Variants in C1QTNF5 observed in about 807,000 individuals in gnomAD.
C1QTNF5 encodes C1q and TNF related 5, also known as complement C1q tumor necrosis factor-related protein 5.
In C1QTNF5, 5 loss-of-function variants were observed where a neutral mutation model predicts 10.9. That is an observed-to-expected ratio of 0.46 (90% CI 0.24 to 0.97). The LOEUF is 0.97. C1QTNF5 is among the 50% of genes least tolerant of loss of function. C1QTNF5 has a pLI of 0.19. For synonymous variants in C1QTNF5, 161 were observed against 156.5 expected, an observed-to-expected ratio of 1.03 and a Z score of -0.22; for missense variants, 281 against 339.4, an observed-to-expected ratio of 0.83 and a Z score of 1.35.
chr11:119,345,119 G>T, upstream of C1QTNF5: 1 of 1,382,410 alleles, frequency 7.2e-7, no homozygotes, highest in East Asian at 2.5e-5. Flanking sequence ...TGACCATGTG[G>T]TCAAAAAGGC....
upstream of C1QTNF5, chr11:119,345,518 T>C (rs765954024): frequency 1.9e-6 from 3 of 1,613,982 alleles, no homozygotes; most frequent in Non-Finnish European, 2.5e-6. Context: ...TGAGCTGTAT[T>C]GCATGGTCTG....
chr11:119,341,818 C>A, upstream of C1QTNF5: 2 of 1,613,540 alleles, frequency 1.2e-6, no homozygotes, highest in Admixed American at 1.7e-5. Context: ...CAGGCTCCTC[C>A]CCTCCCAGGC....
upstream of C1QTNF5, chr11:119,344,362 C>T (rs1320118735): frequency 9.3e-6 from 15 of 1,613,774 alleles, no homozygotes; most frequent in Non-Finnish European, 1.3e-5. Flanking sequence ...GAGAAAGTGC[C>T]CTGGAGGCCA....
In C1QTNF5 at chr11:119,339,692, G is replaced by A. The variant is rs771616296; in HGVS notation, c.371C>T (p.Pro124Leu). Residue 124 changes from proline to leucine, a missense_variant, in exon 3 of 3, where the codon CCC (proline) becomes CTC (leucine). Transcript: ENST00000528368. The surrounding 1 kb of genome is among the most constrained non-coding windows in gnomAD (Gnocchi z 5.4). ...CTCGTTCACCAGCACGCGGTCGAAGGGCAAGGGTGCGTCAGACGGCGGAGG... is the reference window on the plus strand; with the variant it reads ...CTCGTTCACCAGCACGCGGTCGAAGAGCAAGGGTGCGTCAGACGGCGGAGG... ...RVPPPSDAPL[P>L]FDRVLVNEQG... The A allele has an allele frequency of 1.2e-6, 2 of 1,608,732 alleles. No homozygotes were observed. The highest frequency in any genetic ancestry group is 2.2e-5 in the South Asian group (2 of 91,074).
chr11:119,343,677 G>T, upstream of C1QTNF5: 1 of 1,062,090 alleles, frequency 9.4e-7, no homozygotes, highest in Admixed American at 1.8e-5. Context: ...TGTCTTTAGG[G>T]TGATGGTGAA....
upstream of C1QTNF5, chr11:119,345,813 T>C (rs898018467): frequency 1.2e-6 from 2 of 1,613,768 alleles, no homozygotes; most frequent in Non-Finnish European, 1.7e-6. Context: ...CCTGCTGCCC[T>C]TTAGGGGTCC....
upstream of C1QTNF5, chr11:119,345,637 C>T: frequency 6.2e-7 from 1 of 1,613,460 alleles, no homozygotes; most frequent in Non-Finnish European, 8.5e-7. Context: ...CCACAGGCTG[C>T]AGAGATGGAG....
chr11:119,339,480 C>G lies in C1QTNF5; in HGVS notation c.583G>C (p.Ala195Pro). The change falls in exon 3 of 3, where the codon GCC (alanine) becomes CCC (proline). Residue 195 changes from alanine (A) to proline (P), a missense_variant. Coordinates refer to ENST00000528368, the MANE Select transcript of C1QTNF5 (RefSeq NM_001278431.2). This position sits in a 1 kb window ranked among gnomAD's most constrained non-coding sequence, Gnocchi z 5.4. ...TCCTCAGGCTCCAGCCTCACCATGG[C>G]CCCCCCCGAGAGCGAGGCTGGCTTG... Reference protein sequence around the residue: ...WPKPASLSGGAMVRLEPEDQV... With the variant: ...WPKPASLSGGPMVRLEPEDQV... 1 of 1,612,828 alleles carries G rather than the reference C, an allele frequency of 6.2e-7. No homozygotes were observed. Among genetic ancestry groups the G allele is most frequent in the Non-Finnish European group, 8.5e-7 (1 of 1,179,670 alleles).
At chr11:119,342,537 T>G (rs1276669199), upstream of C1QTNF5, 2 of 1,602,446 alleles carry the variant, frequency 1.2e-6, no homozygotes, top group Non-Finnish European at 1.7e-6. Context: ...AGTACGGCAG[T>G]AGGGTTCTGT....
In C1QTNF5 at chr11:119,339,386, G is replaced by A. The variant is rs932791882; in HGVS notation, c.677C>T (p.Thr226Ile). The A allele has an allele frequency of 1.2e-6, 2 of 1,612,962 alleles. No homozygotes were observed. Among genetic ancestry groups the A allele is most frequent in the African/African-American group, 1.3e-5 (1 of 74,904 alleles). The stretch of plus-strand genomic sequence containing the variant: ...GGAGTACACCAGAAATCCGGAGAAG[G>A]TGCTGTCTGTCTTGATGCTGGCATA... ...GIYASIKTDS[T>I]FSGFLVYSDW... Residue 226 changes from threonine to isoleucine, a missense_variant, in exon 3 of 3, where the codon ACC (threonine) becomes ATC (isoleucine). By Grantham distance (89) the Thr-to-Ile change is moderately conservative (BLOSUM62 -1). Coordinates refer to ENST00000528368, the MANE Select transcript of C1QTNF5 (RefSeq NM_001278431.2). This position sits in a 1 kb window ranked among gnomAD's most constrained non-coding sequence, Gnocchi z 5.4.
upstream of C1QTNF5, chr11:119,344,418 G>C: frequency 6.2e-7 from 1 of 1,607,036 alleles, no homozygotes; most frequent in Non-Finnish European, 8.5e-7. Flanking sequence ...GGGCTCATGA[G>C]TTTGCTAGGA....
upstream of C1QTNF5, chr11:119,342,128 G>T: frequency 1.0e-6 from 1 of 988,250 alleles, no homozygotes; most frequent in Non-Finnish European, 1.5e-6. Flanking sequence ...AAAGAGACAG[G>T]CTGTACACAC....
upstream of C1QTNF5, chr11:119,345,891 G>A (rs767087902): frequency 8.1e-6 from 13 of 1,613,632 alleles, no homozygotes; most frequent in Admixed American, 1.7e-5. Context: ...CAGGCAGTGG[G>A]CTATGGGACG....
upstream of C1QTNF5, chr11:119,341,776 C>G (rs372014001): frequency 6.2e-7 from 1 of 1,613,052 alleles, no homozygotes; most frequent in African/African-American, 1.3e-5. Context: ...TCAGGCTCTG[C>G]GGAGGGAGAG....
chr11:119,344,786 G>A (rs1194681597), upstream of C1QTNF5: 2 of 1,613,690 alleles, frequency 1.2e-6, no homozygotes, highest in Admixed American at 1.7e-5. Context: ...AGTCAGGGAG[G>A]CCCGGAGTCT....
Position 119,340,501 on chromosome 11 carries a change from C to T in C1QTNF5, c.-43-61G>A, listed in dbSNP as rs976898724. 39 of 1,295,834 alleles carry T rather than the reference C, an allele frequency of 3.0e-5. No individual in the cohort carries two copies. In the Admixed American group the frequency reaches 5.1e-4, roughly 17 times the overall value. The allele number at this position is 1,295,834 out of a possible 1,614,324, so 80.3% of individuals were successfully genotyped here. A position where few individuals can be genotyped will look rare whatever the true frequency, so the allele number is the denominator to read the frequency against. On this transcript the variant is annotated intron_variant, in intron 1 of 2. Coordinates refer to ENST00000528368, the MANE Select transcript of C1QTNF5 (RefSeq NM_001278431.2). Reference sequence around the variant, plus strand: ...ATCCTGGGACCTGCCTCTCTCCCCACCCCGGCGCGGCCCAGTCGGTCCCCA... The same window carrying T: ...ATCCTGGGACCTGCCTCTCTCCCCATCCCGGCGCGGCCCAGTCGGTCCCCA...
At chr11:119,342,041 T>C (rs1950508177), upstream of C1QTNF5, 3 of 1,608,342 alleles carry the variant, frequency 1.9e-6, no homozygotes, top group Admixed American at 1.7e-5. Context: ...CTGTGGCCTG[T>C]GGCAAGTCAC....
chr11:119,345,854 T>C (rs1015222860), upstream of C1QTNF5: 1 of 1,611,908 alleles, frequency 6.2e-7, no homozygotes, highest in Non-Finnish European at 8.5e-7. Flanking sequence ...ATGGTGGGGG[T>C]GGTGGTGGTC....
chr11:119,340,162 A>G (rs1186576970), intron 2 of C1QTNF5, 22 bp downstream of exon 2: 18 of 1,506,134 alleles, frequency 1.2e-5, no homozygotes, highest in Non-Finnish European at 1.2e-5. Context: ...CGCCACCGAT[A>G]GCCGCGGCGG....
Sources: allele counts gnomAD v4.1 joint callset, GRCh38; gene constraint gnomAD v4.1.1; non-coding constraint Gnocchi (gnomAD v3.1); transcripts MANE v1.5; gene names NCBI Gene and HGNC (gene_info 2026-07-23, HGNC 2026-07-21).